The following MYOCD variants were observed in gnomAD, a reference collection of about 807,000 sequenced individuals.
MYOCD encodes the protein myocardin.
A neutral mutation model predicts 96.1 loss-of-function variants in MYOCD; 32 were observed. The ratio of observed to expected loss-of-function variants is 0.33; its 90% CI spans 0.25 to 0.45. The LOEUF is 0.45. Ranked by LOEUF, MYOCD falls within the 20% of genes least tolerant of loss-of-function variation. The pLI is 1.00. For synonymous variants in MYOCD, 469 were observed against 469.0 expected, an observed-to-expected ratio of 1.00 and a Z score of 0.00; for missense variants, 1,133 against 1,200.6, an observed-to-expected ratio of 0.94 and a Z score of 0.83.
chr17:12,717,870 G>C (rs2031697573), intron 4 of MYOCD, among the ~76,000 whole-genome samples: 1 of 152,136 alleles, frequency 6.6e-6, no homozygotes, highest in African/African-American at 2.4e-5. Context: ...GGAAATTAGT[G>C]CTGATCAAAG....
intron 5 of MYOCD, among the ~76,000 whole-genome samples, chr17:12,728,136 C>A (rs953709813): frequency 2.0e-5 from 3 of 152,098 alleles, no homozygotes; most frequent in Admixed American, 6.5e-5. Flanking sequence ...AAATGATATC[C>A]TGGAGTTTAG....
At chr17:12,760,757 C>G in intron 13 of MYOCD, 50 bp downstream of exon 13, 3 of 1,479,518 alleles carry the variant, frequency 2.0e-6, no homozygotes, top group Non-Finnish European at 2.8e-6. Context: ...CCCACATGAA[C>G]TCTAAGGAAT....
chr17:12,757,994 T>C, intron 11 of MYOCD, 91 bp from the exon 12 acceptor site: 1 of 985,262 alleles, frequency 1.0e-6, no homozygotes, highest in Non-Finnish European at 1.6e-6. Context: ...AGATCAATTT[T>C]TCCAAAATTT....
chr17:12,758,455 G>C (rs1270406035), intron 12 of MYOCD: 2 of 607,170 alleles, frequency 3.3e-6, no homozygotes, highest in Non-Finnish European at 2.9e-6. Flanking sequence ...CCATCTGCCA[G>C]CTGCCACTGT....
intron 10 of MYOCD, 135 bp downstream of exon 10, chr17:12,753,481 A>G (rs558494776): frequency 1.2e-5 from 10 of 805,474 alleles, no homozygotes; most frequent in African/African-American, 1.7e-5. Flanking sequence ...TCTCCCAGAC[A>G]CTACAATCCT....
chr17:12,754,877 G>A (rs2032968583), intron 10 of MYOCD, among the ~76,000 whole-genome samples: 1 of 152,182 alleles, frequency 6.6e-6, no homozygotes. Context: ...GAGCTCCAAT[G>A]TATTATTCTT....
chr17:12,681,342 T>C (rs1160810305), intron 1 of MYOCD, among the ~76,000 whole-genome samples: 2 of 152,198 alleles, frequency 1.3e-5, no homozygotes, highest in Non-Finnish European at 2.9e-5. Context: ...CATGAAAGCC[T>C]CAAGCTCACA....
intron 1 of MYOCD, among the ~76,000 whole-genome samples, chr17:12,700,524 C>T (rs759540218): frequency 6.8e-6 from 1 of 148,048 alleles, no homozygotes; most frequent in Non-Finnish European, 1.5e-5. Flanking sequence ...CGCCATTCTC[C>T]TGCCTCAGCC....
At chr17:12,730,148 C>CA (rs924235860) in intron 5 of MYOCD, among the ~76,000 whole-genome samples, 41 of 150,598 alleles carry the variant, frequency 2.7e-4, no homozygotes, top group African/African-American at 9.5e-4. Flanking sequence ...CCCTATCTCT[C>CA]AAAAAAAGGA....
At chr17:12,700,264 G>T (rs1165803469) in intron 1 of MYOCD, among the ~76,000 whole-genome samples, 1 of 151,808 alleles carries the variant, frequency 6.6e-6, no homozygotes, top group Non-Finnish European at 1.5e-5. Context: ...AATTCTTTTT[G>T]TTCAAAGTGT....
intron 2 of MYOCD, among the ~76,000 whole-genome samples, chr17:12,711,792 A>G (rs1388385235): frequency 1.3e-5 from 2 of 152,136 alleles, no homozygotes; most frequent in Non-Finnish European, 2.9e-5. Flanking sequence ...TAGAAATCCC[A>G]TCACAGCGGT....
chr17:12,710,735 A>G (rs958272254), intron 2 of MYOCD, among the ~76,000 whole-genome samples: 3 of 152,180 alleles, frequency 2.0e-5, no homozygotes, highest in Non-Finnish European at 4.4e-5. Context: ...CTGTCTGAGC[A>G]GTACACGGCG....
chr17:12,724,246 C>T (rs1012760444), intron 5 of MYOCD, among the ~76,000 whole-genome samples: 3 of 151,942 alleles, frequency 2.0e-5, no homozygotes, highest in Non-Finnish European at 4.4e-5. Flanking sequence ...ATTTATTTTT[C>T]TTTTGTTGAG....
intron 8 of MYOCD, among the ~76,000 whole-genome samples, 158 bp downstream of exon 8, chr17:12,744,594 C>T (rs1165172605): frequency 6.6e-6 from 1 of 152,152 alleles, no homozygotes; most frequent in Non-Finnish European, 1.5e-5. Context: ...AAACTATGCA[C>T]ACCTTTTCAG....
chr17:12,750,582 G>A (rs927262821), intron 9 of MYOCD, among the ~76,000 whole-genome samples: 1 of 151,974 alleles, frequency 6.6e-6, no homozygotes, highest in African/African-American at 2.4e-5. Context: ...CCAGCTACTC[G>A]GGAGGCTGAG....
chr17:12,696,377 G>T (rs2030753567), intron 1 of MYOCD, among the ~76,000 whole-genome samples: 1 of 151,996 alleles, frequency 6.6e-6, no homozygotes, highest in African/African-American at 2.4e-5. Context: ...CTGCTATGAG[G>T]GTAGATGTAC....
At chr17:12,675,462 A>C (rs1909961363) in intron 1 of MYOCD, among the ~76,000 whole-genome samples, 1 of 152,258 alleles carries the variant, frequency 6.6e-6, no homozygotes, top group Non-Finnish European at 1.5e-5. Flanking sequence ...AGAAATGATA[A>C]AATTCTATAT....
At chr17:12,721,545 A>G (rs889707692) in intron 4 of MYOCD, among the ~76,000 whole-genome samples, 6 of 152,222 alleles carry the variant, frequency 3.9e-5, no homozygotes, top group African/African-American at 1.4e-4. Context: ...GCCAAGGTGC[A>G]AAGGTGAATG....
At chr17:12,693,277 G>T (rs903249027) in intron 1 of MYOCD, among the ~76,000 whole-genome samples, 1 of 151,894 alleles carries the variant, frequency 6.6e-6, no homozygotes, top group Admixed American at 6.6e-5. Context: ...TGGAGCTGTC[G>T]TGGGACATTT....
Sources: allele counts gnomAD v4.1 joint callset (sites outside exome capture counted in the v4.1 genomes callset), GRCh38; gene constraint gnomAD v4.1.1; transcripts MANE v1.5; gene names NCBI Gene and HGNC (gene_info 2026-07-23, HGNC 2026-07-21).